Variants in AKAP6 observed in about 807,000 individuals in gnomAD.
The protein encoded by AKAP6 is A-kinase anchor protein 6.
A neutral mutation model predicts 188.5 loss-of-function variants in AKAP6; 58 were observed. The observed-to-expected ratio is 0.31, with a 90% confidence interval of 0.25 to 0.38. The LOEUF is 0.38. AKAP6 is among the 10% of genes least tolerant of loss of function. The probability of loss-of-function intolerance (pLI) is 1.00; values close to 1 mark genes in which losing one functional copy is unlikely to be tolerated. For synonymous variants in AKAP6, 989 were observed against 998.6 expected, an observed-to-expected ratio of 0.99 and a Z score of 0.18; for missense variants, 2,710 against 2,740.0, an observed-to-expected ratio of 0.99 and a Z score of 0.24.
In AKAP6 at chr14:32,346,757, C is replaced by A. The variant is rs182256344; in HGVS notation, c.-35+17349C>A. Among the ~76,000 whole-genome samples the A allele has an allele frequency of 3.5e-4, 53 of 152,356 alleles. 1 individual carries two copies. Among genetic ancestry groups the A allele is most frequent in the African/African-American group, 1.2e-3 (48 of 41,586 alleles). ...TCTCCTGACCTTGTGATCCACCCAC[C>A]TCGGCCTCCCAAAGTGCTGGGATTA... On this transcript the variant is annotated intron_variant, in intron 1 of 13. Transcript: ENST00000280979.
chr14:32,434,181 G>A (rs1184425557), intron 2 of AKAP6, among the ~76,000 whole-genome samples: 3 of 152,172 alleles, frequency 2.0e-5, no homozygotes, highest in African/African-American at 7.2e-5. Context: ...CTGTGATTGT[G>A]AGTATTTGTA....
chr14:32,539,169 A>G (rs570183731), intron 3 of AKAP6, among the ~76,000 whole-genome samples: 1 of 152,214 alleles, frequency 6.6e-6, no homozygotes, highest in Admixed American at 6.5e-5. Flanking sequence ...GATTGTATTC[A>G]TCTTACAGAT....
intron 1 of AKAP6, among the ~76,000 whole-genome samples, chr14:32,421,617 T>C (rs972977777): frequency 6.6e-6 from 1 of 152,282 alleles, no homozygotes; most frequent in Admixed American, 6.5e-5. Context: ...GAGATTTTTG[T>C]TGCTTGCTGT....
chr14:32,735,215 C>T (rs2139840263), intron 10 of AKAP6, among the ~76,000 whole-genome samples: 1 of 152,210 alleles, frequency 6.6e-6, no homozygotes. Context: ...TACTCTTGGC[C>T]TCTTTAGTAT....
chr14:32,336,686 C>T (rs1276031667), intron 1 of AKAP6, among the ~76,000 whole-genome samples: 3 of 152,174 alleles, frequency 2.0e-5, no homozygotes, highest in African/African-American at 7.2e-5. Flanking sequence ...CATCCAATTT[C>T]TTGATTTAAG....
At position 32,545,733 on chromosome 14, in the gene AKAP6, GC is replaced by G; in HGVS notation, c.1082del (p.Pro361LeufsTer45). On this transcript the variant is annotated frameshift_variant, in exon 4 of 14. Transcript: ENST00000280979. LOFTEE classifies it high-confidence loss of function. Reference sequence around the variant, plus strand: ...CCCATCATGATGCAAAGAATCAGCAGCCTGTTCCTTGTGAAAATGCAACCCC... The same window carrying G: ...CCCATCATGATGCAAAGAATCAGCAGCTGTTCCTTGTGAAAATGCAACCCC... ...SSHHDAKNQQ[P>X]VPCENATPKR... is the part of the protein sequence containing the mutation. 6.2e-7 allele frequency: 1 copy of G among 1,614,214 alleles called. No homozygotes were observed. Among genetic ancestry groups the G allele is most frequent in the Non-Finnish European group, 8.5e-7 (1 of 1,180,028 alleles).
At chr14:32,330,241 A>C (rs528221455) in intron 1 of AKAP6, among the ~76,000 whole-genome samples, 8 of 152,212 alleles carry the variant, frequency 5.3e-5, no homozygotes, top group African/African-American at 1.7e-4. Context: ...TATGATGAAT[A>C]AATATCAGGG....
chr14:32,514,289 A>G (rs1025806883), intron 2 of AKAP6, among the ~76,000 whole-genome samples: 1 of 152,234 alleles, frequency 6.6e-6, no homozygotes, highest in Admixed American at 6.5e-5. Flanking sequence ...ACTTGTGTCT[A>G]TAATATTAGC....
intron 13 of AKAP6, among the ~76,000 whole-genome samples, chr14:32,826,681 C>T (rs952877233): frequency 2.0e-5 from 3 of 152,198 alleles, no homozygotes; most frequent in Non-Finnish European, 4.4e-5. Context: ...AATTTCTTCT[C>T]TCTCTTACAT....
chr14:32,788,234 A>G (rs1277392646), intron 12 of AKAP6, among the ~76,000 whole-genome samples: 1 of 152,168 alleles, frequency 6.6e-6, no homozygotes, highest in Non-Finnish European at 1.5e-5. Flanking sequence ...ATTAAGAGCT[A>G]GAGCCAGACT....
At chr14:32,666,803 A>T (rs1888958722) in intron 7 of AKAP6, among the ~76,000 whole-genome samples, 1 of 152,112 alleles carries the variant, frequency 6.6e-6, no homozygotes, top group Non-Finnish European at 1.5e-5. Flanking sequence ...TCATTTTAAA[A>T]ATCACTATGG....
intron 5 of AKAP6, among the ~76,000 whole-genome samples, chr14:32,590,814 G>A (rs1286182764): frequency 6.6e-6 from 1 of 152,200 alleles, no homozygotes; most frequent in African/African-American, 2.4e-5. Flanking sequence ...AATTTCAGAG[G>A]TAAATGTTAC....
intron 11 of AKAP6, among the ~76,000 whole-genome samples, chr14:32,749,399 C>T (rs2032038459): frequency 6.6e-6 from 1 of 152,100 alleles, no homozygotes; most frequent in Admixed American, 6.5e-5. Context: ...TTATGTTTCC[C>T]TCATCGAAAA....
intron 12 of AKAP6, among the ~76,000 whole-genome samples, chr14:32,800,975 C>G (rs2140088704): frequency 6.6e-6 from 1 of 152,194 alleles, no homozygotes; most frequent in Admixed American, 6.5e-5. Context: ...CATGATTGTA[C>G]CACTACGTGC....
rs1392827564 is a variant in AKAP6 at position 32,568,074 on chromosome 14, G to T, written c.2347-9046G>T. On this transcript the variant is annotated intron_variant, in intron 4 of 13. Transcript: ENST00000280979. This position sits in a 1 kb window ranked among gnomAD's most constrained non-coding sequence, Gnocchi z 6.2. ...AGAAAAGAAAGGCTGAAAAGAGAGA[G>T]CACAGAGTACAGGAAGAATGATCTA... Among the ~76,000 whole-genome samples the T allele has an allele frequency of 6.6e-6, 1 of 152,084 alleles. No individual in the cohort carries two copies. The highest frequency in any genetic ancestry group is 1.5e-5 in the Non-Finnish European group (1 of 68,016).
chr14:32,648,427 G>C (rs896478738), intron 7 of AKAP6, among the ~76,000 whole-genome samples: 1 of 152,028 alleles, frequency 6.6e-6, no homozygotes, highest in South Asian at 2.1e-4. Flanking sequence ...ACATAGGAGG[G>C]TATTCCTCTT....
intron 2 of AKAP6, among the ~76,000 whole-genome samples, chr14:32,462,915 A>AAAAAAAAAAAAAAAAAC: frequency 7.4e-6 from 1 of 135,366 alleles, no homozygotes; most frequent in Non-Finnish European, 1.5e-5. Flanking sequence ...AAAAAAAAAA[A>AAAAAAAAAAAAAAAAAC]AAAAAAAAAA....
chr14:32,337,771 A>G (rs936834881), intron 1 of AKAP6, among the ~76,000 whole-genome samples: 8 of 137,208 alleles, frequency 5.8e-5, no homozygotes, highest in African/African-American at 8.1e-5. Context: ...CCCTTCCTGG[A>G]TAACAGGATT....
At chr14:32,462,900 G>GAA (rs1891378366) in intron 2 of AKAP6, among the ~76,000 whole-genome samples, 1 of 7,048 alleles carries the variant, frequency 1.4e-4, no homozygotes, top group Non-Finnish European at 2.4e-4. Context: ...CAAATGGAAA[G>GAA]CAAAAAAAAA....
Sources: allele counts gnomAD v4.1 joint callset (sites outside exome capture counted in the v4.1 genomes callset), GRCh38; gene constraint gnomAD v4.1.1; non-coding constraint Gnocchi (gnomAD v3.1); transcripts MANE v1.5; gene names NCBI Gene and HGNC (gene_info 2026-07-23, HGNC 2026-07-21).